Variants in RAD51B observed in about 807,000 individuals in gnomAD.
RAD51B encodes DNA repair protein RAD51 homolog 2.
A neutral mutation model predicts 42.2 loss-of-function variants in RAD51B; 38 were observed. The observed-to-expected ratio is 0.90, with a 90% CI of 0.70 to 1.18. The LOEUF (loss-of-function observed/expected upper bound fraction) is 1.18. RAD51B is among the 50% of genes most tolerant of loss of function. The pLI is 0.00. For missense variants in RAD51B, 373 were observed against 400.7 expected, an observed-to-expected ratio of 0.93 and a Z score of 0.59; for synonymous variants, 154 against 145.2, an observed-to-expected ratio of 1.06 and a Z score of -0.43.
At chr14:68,602,028 C>T (rs994740879) in intron 10 of RAD51B, among the ~76,000 whole-genome samples, 1 of 152,098 alleles carries the variant, frequency 6.6e-6, no homozygotes, top group Non-Finnish European at 1.5e-5. Context: ...CCTGCTTGGT[C>T]CTTTGAAAAG....
At chr14:68,600,026 G>A (rs4531674), downstream of RAD51B, among the ~76,000 whole-genome samples, 29,117 of 152,120 alleles carry the variant, frequency 0.19, 3,047 homozygotes, top group Non-Finnish European at 0.24. Context: ...AAACCCAAGA[G>A]TGGAAGTGTG....
intron 4 of RAD51B, among the ~76,000 whole-genome samples, chr14:67,840,546 G>A (rs961981062): frequency 2.6e-5 from 4 of 152,180 alleles, no homozygotes; most frequent in African/African-American, 9.7e-5. Context: ...TGGGCACTTA[G>A]GTTGATTCCA....
At chr14:68,450,778 A>G (rs1189485284) in intron 9 of RAD51B, among the ~76,000 whole-genome samples, 1 of 152,232 alleles carries the variant, frequency 6.6e-6, no homozygotes, top group Non-Finnish European at 1.5e-5. Context: ...CAACCGGGAA[A>G]GAGAGAGAAA....
chr14:68,373,612 C>A (rs2139959678), intron 8 of RAD51B, among the ~76,000 whole-genome samples: 1 of 151,908 alleles, frequency 6.6e-6, no homozygotes, highest in South Asian at 2.1e-4. Context: ...ACACCGGGGC[C>A]TGTTGGTGGG....
At chr14:68,499,986 A>G (rs902023266) in intron 10 of RAD51B, among the ~76,000 whole-genome samples, 2 of 152,210 alleles carry the variant, frequency 1.3e-5, no homozygotes, top group Admixed American at 1.3e-4. Flanking sequence ...GACTGGAGAG[A>G]GAGAGAATCT....
chr14:68,112,566 C>T (rs985190386), intron 7 of RAD51B, among the ~76,000 whole-genome samples: 4 of 152,118 alleles, frequency 2.6e-5, no homozygotes, highest in African/African-American at 9.7e-5. Context: ...TTGTGAGCCT[C>T]AGCTGTAGTA....
intron 7 of RAD51B, among the ~76,000 whole-genome samples, chr14:67,924,581 A>C (rs1053249078): frequency 1.3e-5 from 2 of 152,216 alleles, no homozygotes; most frequent in Admixed American, 1.3e-4. Flanking sequence ...CAGCAGGCAA[A>C]GACTTTGTGC....
intron 7 of RAD51B, among the ~76,000 whole-genome samples, chr14:68,267,473 A>C (rs1055398944): frequency 7.2e-5 from 11 of 152,208 alleles, no homozygotes; most frequent in African/African-American, 2.2e-4. Flanking sequence ...TGAAAGAATT[A>C]GTCTTCTAGA....
At chr14:68,661,143 A>G (rs1892923492) in intron 11 of RAD51B, among the ~76,000 whole-genome samples, 1 of 152,206 alleles carries the variant, frequency 6.6e-6, no homozygotes, top group African/African-American at 2.4e-5. Context: ...ATTTCACACA[A>G]GGGCCCTTGA....
In RAD51B at chr14:68,313,753, T is replaced by C. The variant is rs182181034; in HGVS notation, c.853+21773T>C. On this transcript the variant is annotated intron_variant, in intron 8 of 10. Transcript: ENST00000471583. Reference sequence around the variant, plus strand: ...GCAGTTCCCCTGGAACCATCATAGATTGAGTGACAATCAGGGAGATGGGGG... The same window carrying C: ...GCAGTTCCCCTGGAACCATCATAGACTGAGTGACAATCAGGGAGATGGGGG... Among the ~76,000 whole-genome samples, 10 of 152,328 alleles carry C rather than the reference T, an allele frequency of 6.6e-5. 1 individual carries two copies. Among genetic ancestry groups the C allele is most frequent in the South Asian group, 4.1e-4 (2 of 4,830 alleles).
In RAD51B at chr14:68,516,654, A is replaced by G. The variant is rs192939341; in HGVS notation, c.1036+48404A>G. ...CAATGTGGAATCTGAAACTATATCA[A>G]TGAACTTTTTGTGCTCAGTTATGTT... On this transcript the variant is annotated intron_variant, in intron 10 of 10. Transcript: ENST00000487270. 3.9e-5 allele frequency among the ~76,000 whole-genome samples: 6 copies of G among 152,350 alleles called. No homozygotes were observed. In the South Asian group the frequency reaches 6.2e-4, roughly 16 times the overall value.
Position 68,005,148 on chromosome 14 carries a change from C to T in RAD51B, c.756+117944C>T, listed in dbSNP as rs547282340. Reference sequence around the variant, plus strand: ...AGCTCACTGCAACCTCCGCATCCCACGTTCAAACAATTCTCCTGCCTCAGG... The same window carrying T: ...AGCTCACTGCAACCTCCGCATCCCATGTTCAAACAATTCTCCTGCCTCAGG... On this transcript the variant is annotated intron_variant, in intron 7 of 10. Coordinates refer to ENST00000471583, the MANE Select transcript of RAD51B (RefSeq NM_133510.4). Among the ~76,000 whole-genome samples, 26 of 148,540 alleles carry T rather than the reference C, an allele frequency of 1.8e-4. No homozygotes were observed. The South Asian group carries it at 5.4e-3, about 31-fold the overall frequency.
chr14:68,410,935 T>G (rs1366797173), intron 8 of RAD51B, among the ~76,000 whole-genome samples: 2 of 142,586 alleles, frequency 1.4e-5, no homozygotes, highest in Non-Finnish European at 3.2e-5. Context: ...TTTTGCGTTG[T>G]GTATACGGGG....
intron 11 of RAD51B, among the ~76,000 whole-genome samples, chr14:68,675,859 T>G (rs916410446): frequency 2.6e-5 from 4 of 152,094 alleles, no homozygotes; most frequent in African/African-American, 9.7e-5. Flanking sequence ...TTCTCAATCC[T>G]CCATCTCCAC....
At chr14:68,322,972 C>T (rs1337650161) in intron 8 of RAD51B, among the ~76,000 whole-genome samples, 2 of 152,190 alleles carry the variant, frequency 1.3e-5, no homozygotes, top group East Asian at 3.8e-4. Context: ...GTGTTAATAA[C>T]CTTGACCAGT....
chr14:67,910,657 A>G (rs971710087), intron 7 of RAD51B, among the ~76,000 whole-genome samples: 5 of 151,986 alleles, frequency 3.3e-5, no homozygotes, highest in African/African-American at 1.2e-4. Flanking sequence ...TTGATTAGGT[A>G]CCAATTGAAT....
At chr14:67,950,133 G>T (rs1193826620) in intron 7 of RAD51B, among the ~76,000 whole-genome samples, 1 of 152,148 alleles carries the variant, frequency 6.6e-6, no homozygotes, top group Non-Finnish European at 1.5e-5. Context: ...TCTACCGAGA[G>T]AGTCAGCCTA....
intron 11 of RAD51B, among the ~76,000 whole-genome samples, chr14:68,664,135 T>G (rs574420972): frequency 1.3e-5 from 2 of 152,350 alleles, no homozygotes; most frequent in South Asian, 4.1e-4. Flanking sequence ...TAAGCATTGT[T>G]GTTGCTGTTA....
At chr14:68,396,974 C>T (rs967692271) in intron 8 of RAD51B, among the ~76,000 whole-genome samples, 3 of 152,218 alleles carry the variant, frequency 2.0e-5, no homozygotes, top group African/African-American at 7.2e-5. Context: ...GACTCTGCCA[C>T]TTGCCAGGTG....
Sources: allele counts gnomAD v4.1 joint callset (sites outside exome capture counted in the v4.1 genomes callset), GRCh38; gene constraint gnomAD v4.1.1; transcripts MANE v1.5; gene names NCBI Gene and HGNC (gene_info 2026-07-23, HGNC 2026-07-21).